The following MIB1 variants were observed in gnomAD, a reference collection of about 807,000 sequenced individuals.
The protein encoded by MIB1 is MIB E3 ubiquitin protein ligase 1.
MIB1 carries 278 observed loss-of-function variants against 124.5 expected under a neutral mutation model. The observed-to-expected ratio is 2.23, with a 90% CI of 2.02 to 2.47. The LOEUF is 2.47. MIB1 is among the 30% of genes most tolerant of loss of function. The pLI is 0.00. For synonymous variants in MIB1, 446 were observed against 429.4 expected (o/e 1.04, Z -0.48); for missense variants, 957 against 1,254.4 (o/e 0.76, Z 3.58).
At chr18:21,740,700 G>A (rs1048635708), upstream of MIB1, among the ~76,000 whole-genome samples, 2 of 152,250 alleles carry the variant, frequency 1.3e-5, no homozygotes, top group Non-Finnish European at 2.9e-5. Flanking sequence ...GGCAACTCCA[G>A]GGATCCGCCC....
At chr18:21,801,435 TTA>T (rs2041649764) in intron 9 of MIB1, among the ~76,000 whole-genome samples, 2 of 152,142 alleles carry the variant, frequency 1.3e-5, no homozygotes. Context: ...GTATATTAGA[TTA>T]TGTTTTCCTG....
At chr18:21,784,522 A>G (rs540511788) in intron 6 of MIB1, among the ~76,000 whole-genome samples, 1 of 152,300 alleles carries the variant, frequency 6.6e-6, no homozygotes, top group East Asian at 1.9e-4. Context: ...AATAGTTATA[A>G]TAGTTATACT....
In MIB1 at chr18:21,847,198, G is replaced by A. The variant is rs1037676933; in HGVS notation, c.2393+73G>A. 26 of 1,239,980 alleles carry A rather than the reference G, an allele frequency of 2.1e-5. 1 individual carries two copies. The highest frequency in any genetic ancestry group is 5.0e-5 in the East Asian group (2 of 39,742). 76.8% of individuals were successfully genotyped at this position (1,239,980 alleles called of 1,614,324 possible). ...ATCATGTGGTTTCGTAATGGAGGAC[G>A]TGGCTACTTGAAAATGTCTTCATCT... On this transcript the variant is annotated intron_variant, in intron 16 of 20. Coordinates refer to ENST00000261537, the MANE Select transcript of MIB1 (RefSeq NM_020774.4).
At chr18:21,765,976 G>A (rs1471817556) in intron 2 of MIB1, 33 bp downstream of exon 2, 1 of 1,600,824 alleles carries the variant, frequency 6.2e-7, no homozygotes, top group Non-Finnish European at 8.6e-7. Flanking sequence ...TCAACCGAGG[G>A]TTTTTGTTTG....
Position 21,867,270 on chromosome 18 carries a change from A to G in MIB1, c.*2604A>G, listed in dbSNP as rs1254692293. On this transcript the variant is annotated 3_prime_UTR_variant, in exon 21 of 21. Coordinates refer to ENST00000261537, the MANE Select transcript of MIB1 (RefSeq NM_020774.4). Reference sequence around the variant, plus strand: ...AGGAAGAGATCCAAAGGTCCTGATAACATTTCCTAACGTTTCAGAAGAGTT... The same window carrying G: ...AGGAAGAGATCCAAAGGTCCTGATAGCATTTCCTAACGTTTCAGAAGAGTT... 1.3e-5 allele frequency: 2 copies of G among 152,420 alleles called. No individual in the cohort carries two copies. The highest frequency in any genetic ancestry group is 4.8e-5 in the African/African-American group (2 of 41,442). 9.4% of individuals were successfully genotyped at this position (152,420 alleles called of 1,614,324 possible). A position where few individuals can be genotyped will look rare whatever the true frequency, so the allele number is the denominator to read the frequency against.
intron 12 of MIB1, chr18:21,825,780 C>A: frequency 1.9e-6 from 1 of 518,112 alleles, no homozygotes. Context: ...TCTAGCAAAG[C>A]ATTGTAGTGC....
In MIB1 at chr18:21,724,724, AAAAATATATATATATATAT is replaced by A. The variant is rs1316218011; in HGVS notation, n.167+19603_167+19621del. The stretch of plus-strand genomic sequence containing the variant: ...TGTCTCCCCCATCCAAAAAAAAAAA[AAAAATATATATATATATAT>A]ATATATATATATATATATATATATA... On this transcript the variant is annotated intron_variant and non_coding_transcript_variant, in intron 1 of 20. Transcript: ENST00000578646. Among the ~76,000 whole-genome samples, 3 of 61,362 alleles carry A rather than the reference AAAAATATATATATATATAT, an allele frequency of 4.9e-5. 1 individual carries two copies. The highest frequency in any genetic ancestry group is 9.3e-5 in the Non-Finnish European group (3 of 32,264). The allele number at this position is 61,362 out of a possible 152,430, so 40.3% of individuals were successfully genotyped here.
rs952338395 is a variant in MIB1, at chr18:21,866,400, G to A, written c.*1734G>A. 1 of 152,160 alleles carries A rather than the reference G, an allele frequency of 6.6e-6. No homozygotes were observed. The highest frequency in any genetic ancestry group is 1.9e-4 in the East Asian group (1 of 5,200). The allele number at this position is 152,160 out of a possible 1,614,324, so 9.4% of individuals were successfully genotyped here. A position where few individuals can be genotyped will look rare whatever the true frequency, so the allele number is the denominator to read the frequency against. On this transcript the variant is annotated 3_prime_UTR_variant, in exon 21 of 21. Coordinates refer to ENST00000261537, the MANE Select transcript of MIB1 (RefSeq NM_020774.4). ...CTCAGTTATCTAATAAGGGGCCACCGACGCTGTTTTTAAAACTATTTTGAA... is the reference window on the plus strand; with the variant it reads ...CTCAGTTATCTAATAAGGGGCCACCAACGCTGTTTTTAAAACTATTTTGAA...
At chr18:21,840,912 CAGAA>C (rs917409413) in intron 13 of MIB1, among the ~76,000 whole-genome samples, 16 of 151,916 alleles carry the variant, frequency 1.1e-4, no homozygotes, top group South Asian at 4.2e-4. Flanking sequence ...TTTTAGGAGA[CAGAA>C]AGCCATAATC....
chr18:21,739,938 C>CAA (rs982786745), upstream of MIB1, among the ~76,000 whole-genome samples: 7 of 143,274 alleles, frequency 4.9e-5, no homozygotes, highest in African/African-American at 1.9e-4. Context: ...AAAAAAACAA[C>CAA]AACAAAAAAA....
chr18:21,863,302 C>G (rs9953941), intron 20 of MIB1, among the ~76,000 whole-genome samples: 2 of 152,204 alleles, frequency 1.3e-5, no homozygotes, highest in Non-Finnish European at 1.5e-5. Context: ...AGCTGCCCTC[C>G]GCCAGTGAGG....
chr18:21,787,793 G>T (rs1458720891), intron 6 of MIB1, among the ~76,000 whole-genome samples: 1 of 150,102 alleles, frequency 6.7e-6, no homozygotes, highest in Non-Finnish European at 1.5e-5. Flanking sequence ...GTTGGGGAGA[G>T]TGAAGCCAGA....
At chr18:21,712,226 A>T in intron 1 of MIB1, 1 of 152,522 alleles carries the variant, frequency 6.6e-6, no homozygotes. Context: ...GCTCTTTGTC[A>T]TTTTTTTTCT....
intron 1 of MIB1, among the ~76,000 whole-genome samples, chr18:21,731,561 G>A (rs1334199908): frequency 1.3e-5 from 2 of 151,780 alleles, no homozygotes; most frequent in African/African-American, 2.4e-5. Context: ...GTGAAACCCC[G>A]TCTCTACTAT....
chr18:21,813,702 A>G lies in MIB1; in HGVS notation c.1480-1914A>G, dbSNP rs997210199. On this transcript the variant is annotated intron_variant, in intron 10 of 20. Coordinates refer to ENST00000261537, the MANE Select transcript of MIB1 (RefSeq NM_020774.4). ...GTAACTGTTTTGAATGAACTATTTA[A>G]GTGCATTTAATCATAACAGTGTTTA... Among the ~76,000 whole-genome samples the G allele has an allele frequency of 4.6e-5, 7 of 152,374 alleles. 1 individual carries two copies. The highest frequency in any genetic ancestry group is 6.8e-3 in the Middle Eastern group (2 of 294).
chr18:21,846,227 G>A (rs1318418138), intron 15 of MIB1, among the ~76,000 whole-genome samples: 3 of 152,116 alleles, frequency 2.0e-5, no homozygotes, highest in Non-Finnish European at 4.4e-5. Flanking sequence ...AAGTGTTTGA[G>A]ACCTCTGCCT....
rs142142361 is a variant in MIB1, at chr18:21,727,487, A to G, written n.167+22364A>G. ...GCTGGGTGTGGTGGCTTGCACCTGT[A>G]ATCCCAATACTTTGGGAGGCCAAGG... On this transcript the variant is annotated intron_variant and non_coding_transcript_variant, in intron 1 of 20. Transcript: ENST00000578646. Among the ~76,000 whole-genome samples, 424 of 152,294 alleles carry G rather than the reference A, an allele frequency of 2.8e-3. 8 individuals are homozygous for G. The East Asian group carries it at 0.036, about 13-fold the overall frequency.
chr18:21,753,737 C>T (rs746406481), intron 1 of MIB1, among the ~76,000 whole-genome samples: 1 of 151,736 alleles, frequency 6.6e-6, no homozygotes, highest in Non-Finnish European at 1.5e-5. Context: ...AGTGCAGTGG[C>T]GCGATCTCAG....
intron 1 of MIB1, among the ~76,000 whole-genome samples, chr18:21,748,786 G>T (rs951787370): frequency 6.8e-6 from 1 of 148,012 alleles, no homozygotes; most frequent in African/African-American, 2.5e-5. Flanking sequence ...AGGCTGGAGA[G>T]CAGTGGTGTG....
Sources: gnomAD v4.1 joint callset for allele counts (sites outside exome capture counted in the v4.1 genomes callset) on GRCh38, gnomAD v4.1.1 for gene constraint, MANE v1.5 for transcripts, NCBI Gene and HGNC (gene_info 2026-07-23, HGNC 2026-07-21) for gene names.